The following SORBS2 variants were observed in gnomAD, a reference collection of about 807,000 sequenced individuals.
SORBS2 encodes the protein sorbin and SH3 domain containing 2.
In SORBS2, 46 loss-of-function variants were observed where a neutral mutation model predicts 97.7. The observed-to-expected ratio is 0.47, with a 90% confidence interval of 0.37 to 0.60. The LOEUF (loss-of-function observed/expected upper bound fraction) is 0.60. Among genes scored for constraint, SORBS2 ranks in the 20% least tolerant of loss-of-function variants. The pLI, the probability that SORBS2 is intolerant of heterozygous loss-of-function variation, is 0.00. For synonymous variants in SORBS2, 476 were observed against 473.4 expected (o/e 1.01, Z -0.07); for missense variants, 1,316 against 1,282.3 (o/e 1.03, Z -0.40).
At chr4:185,809,232 A>C (rs1476667467) in intron 1 of SORBS2, among the ~76,000 whole-genome samples, 1 of 152,032 alleles carries the variant, frequency 6.6e-6, no homozygotes, top group East Asian at 1.9e-4. Context: ...CACTGGACAA[A>C]GTACTTTAGA....
chr4:185,762,362 T>C (rs924938594), intron 2 of SORBS2, among the ~76,000 whole-genome samples: 8 of 152,246 alleles, frequency 5.3e-5, no homozygotes, highest in Non-Finnish European at 1.0e-4. Flanking sequence ...AATGTGAGTC[T>C]GGAACTTTCA....
At chr4:185,665,642 G>C in intron 4 of SORBS2, 1 of 499,056 alleles carries the variant, frequency 2.0e-6, no homozygotes, top group Non-Finnish European at 2.6e-6. Context: ...CAACACCTAT[G>C]TAAATAAAAA....
At chr4:185,775,519 G>T (rs948995403) in intron 1 of SORBS2, 153 bp from the exon 2 acceptor site, 6 of 152,112 alleles carry the variant, frequency 3.9e-5, no homozygotes, top group Admixed American at 6.5e-5. Context: ...TGCCCAGATC[G>T]CCACCCCCCA....
intron 2 of SORBS2, among the ~76,000 whole-genome samples, chr4:185,687,956 CT>C (rs2098001924): frequency 6.6e-6 from 1 of 152,112 alleles, no homozygotes; most frequent in Non-Finnish European, 1.5e-5. Context: ...GCCTTTTGTC[CT>C]CATTAATGAC....
intron 2 of SORBS2, among the ~76,000 whole-genome samples, chr4:185,711,271 A>T (rs1310544955): frequency 6.6e-6 from 1 of 152,140 alleles, no homozygotes; most frequent in Non-Finnish European, 1.5e-5. Context: ...GATGACAGGC[A>T]TGAGCCACTA....
At chr4:185,878,537 A>G (rs1413781484) in intron 1 of SORBS2, among the ~76,000 whole-genome samples, 2 of 152,108 alleles carry the variant, frequency 1.3e-5, no homozygotes, top group African/African-American at 2.4e-5. Context: ...AGCCCTCAGC[A>G]TGTCCTGTGG....
upstream of SORBS2, among the ~76,000 whole-genome samples, chr4:185,659,456 A>T (rs62336098): frequency 1.3e-5 from 2 of 151,596 alleles, no homozygotes; most frequent in African/African-American, 2.4e-5. Context: ...TTGCTCAGTC[A>T]CCCAGGCTGG....
exon 12 of SORBS2, chr4:185,611,835 G>A: frequency 1.2e-6 from 2 of 1,614,112 alleles, no homozygotes; most frequent in Admixed American, 1.7e-5. Context: ...GGGTATTGGA[G>A]GGTCAGGGTA....
intron 1 of SORBS2, among the ~76,000 whole-genome samples, chr4:185,890,723 G>A (rs755275144): frequency 6.6e-6 from 1 of 152,156 alleles, no homozygotes; most frequent in Non-Finnish European, 1.5e-5. Flanking sequence ...ACAGCTGTAT[G>A]CACTCAGGAG....
At chr4:185,933,457 C>T (rs1160713408) in intron 1 of SORBS2, 4 of 152,112 alleles carry the variant, frequency 2.6e-5, no homozygotes, top group Admixed American at 6.5e-5. Context: ...CATTATCTCA[C>T]AGTTCTGAAG....
chr4:185,799,128 A>G, intron 1 of SORBS2, among the ~76,000 whole-genome samples: 1 of 152,224 alleles, frequency 6.6e-6, no homozygotes, highest in East Asian at 1.9e-4. Flanking sequence ...ATAAAAGCAC[A>G]TGAAGGAATG....
intron 1 of SORBS2, among the ~76,000 whole-genome samples, chr4:185,844,012 A>G (rs898478414): frequency 8.5e-5 from 13 of 152,240 alleles, no homozygotes; most frequent in Admixed American, 2.0e-4. Context: ...CTCTATGAGT[A>G]TATGAGATAA....
intron 1 of SORBS2, among the ~76,000 whole-genome samples, chr4:185,863,917 A>G (rs769192426): frequency 6.6e-6 from 1 of 152,186 alleles, no homozygotes; most frequent in Non-Finnish European, 1.5e-5. Flanking sequence ...TTAATTTTTT[A>G]GCTATGAAAT....
At chr4:185,900,361 T>C (rs1561281705) in intron 1 of SORBS2, among the ~76,000 whole-genome samples, 1 of 152,176 alleles carries the variant, frequency 6.6e-6, no homozygotes, top group Non-Finnish European at 1.5e-5. Context: ...AACGGGACTT[T>C]CTCCAGTCAA....
At chr4:185,824,259 T>C (rs1049236349) in intron 1 of SORBS2, among the ~76,000 whole-genome samples, 1 of 152,230 alleles carries the variant, frequency 6.6e-6, no homozygotes, top group African/African-American at 2.4e-5. Flanking sequence ...TGGTGTTTCC[T>C]GACCTGGCTT....
At chr4:185,630,571 T>G (rs1469032272) in exon 5 of SORBS2, 2 of 1,599,090 alleles carry the variant, frequency 1.3e-6, no homozygotes, top group African/African-American at 1.3e-5. Context: ...TCCAGGCTTC[T>G]GTCTATAGAG....
chr4:185,623,717 C>T lies in SORBS2; in HGVS notation c.1412G>A (p.Gly471Asp). Residue 471 changes from glycine to aspartate, a missense_variant, in exon 7 of 15, where the codon GGC becomes GAC. Coordinates refer to ENST00000418609, the Ensembl canonical transcript of SORBS2. This position sits in a 1 kb window ranked among gnomAD's most constrained non-coding sequence, Gnocchi z 6.4. ...GGCGTTAGACTGGCAGCCTCGCCGG[C>T]CCCGAGCGGGGGGGCCGCTTTGATT... is the stretch of plus-strand genomic sequence containing the variant. The T allele has an allele frequency of 6.2e-7, 1 of 1,613,972 alleles. No individual in the cohort carries two copies. Among genetic ancestry groups the T allele is most frequent in the East Asian group, 2.2e-5 (1 of 44,866 alleles).
intron 1 of SORBS2, among the ~76,000 whole-genome samples, chr4:185,868,551 A>T (rs528876537): frequency 6.6e-6 from 1 of 152,216 alleles, no homozygotes; most frequent in Admixed American, 6.5e-5. Flanking sequence ...AAAAACGAAG[A>T]CGACACAGAC....
chr4:185,892,742 T>C (rs1005464573), intron 1 of SORBS2, among the ~76,000 whole-genome samples: 2 of 152,022 alleles, frequency 1.3e-5, no homozygotes, highest in Non-Finnish European at 2.9e-5. Context: ...AGACAGAAAG[T>C]AGAATGGTGG....
Sources: gnomAD v4.1 joint callset for allele counts (sites outside exome capture counted in the v4.1 genomes callset) on GRCh38, gnomAD v4.1.1 for gene constraint, Gnocchi (gnomAD v3.1) non-coding constraint, MANE v1.5 for transcripts, NCBI Gene and HGNC (gene_info 2026-07-23, HGNC 2026-07-21) for gene names.